Variants in PDE10A observed in about 807,000 individuals in gnomAD.
The protein encoded by PDE10A is cAMP and cAMP-inhibited cGMP 3',5'-cyclic phosphodiesterase 10A.
PDE10A carries 39 observed loss-of-function variants against 97.7 expected under a neutral mutation model. The ratio of observed to expected loss-of-function variants is 0.40; its 90% confidence interval spans 0.31 to 0.52. The LOEUF is 0.52. PDE10A is among the 20% of genes least tolerant of loss of function. The pLI, the probability that PDE10A is intolerant of heterozygous loss-of-function variation, is 0.56. For missense variants in PDE10A, 731 were observed against 1,047.8 expected, an observed-to-expected ratio of 0.70 and a Z score of 4.17; for synonymous variants, 371 against 376.8, an observed-to-expected ratio of 0.98 and a Z score of 0.18.
At chr6:165,624,018 C>G (rs745769712) in intron 1 of PDE10A, among the ~76,000 whole-genome samples, 13 of 152,220 alleles carry the variant, frequency 8.5e-5, no homozygotes, top group Non-Finnish European at 1.9e-4. Context: ...AGTACTCTCT[C>G]CACAAGGCCA....
intron 1 of PDE10A, among the ~76,000 whole-genome samples, chr6:165,794,324 CA>C (rs1778761268): frequency 6.6e-6 from 1 of 151,116 alleles, no homozygotes; most frequent in Admixed American, 6.6e-5. Context: ...ACATACTCAT[CA>C]CACACTCATA....
intron 1 of PDE10A, among the ~76,000 whole-genome samples, chr6:165,752,364 A>T (rs555791056): frequency 6.6e-6 from 1 of 152,244 alleles, no homozygotes; most frequent in Admixed American, 6.5e-5. Context: ...CCCATTCTGC[A>T]TCAAAGTGAG....
chr6:165,642,434 C>T (rs1010895843), intron 1 of PDE10A, among the ~76,000 whole-genome samples: 1 of 152,174 alleles, frequency 6.6e-6, no homozygotes, highest in African/African-American at 2.4e-5. Context: ...TTAGGAGGGA[C>T]ACAGCCACAT....
intron 1 of PDE10A, among the ~76,000 whole-genome samples, chr6:165,677,975 G>T (rs574338623): frequency 6.6e-6 from 1 of 151,510 alleles, no homozygotes; most frequent in African/African-American, 2.4e-5. Context: ...TATGTGTTTT[G>T]TGTGTGTTTG....
rs372307030 is a variant in PDE10A, at chr6:165,653,245, T to C, written c.865+8702A>G. ...ATTCAACTTATTTTGCTTGGCAACA[T>C]GCTCGGCACTGAGGTTAGGAAAATG... On this transcript the variant is annotated intron_variant, in intron 1 of 21. Coordinates refer to ENST00000539869, the MANE Select transcript of PDE10A (RefSeq NM_001385079.1). Among the ~76,000 whole-genome samples, 48 of 152,348 alleles carry C rather than the reference T, an allele frequency of 3.2e-4. 1 individual carries two copies. The highest frequency in any genetic ancestry group is 1.1e-3 in the African/African-American group (47 of 41,594).
intron 1 of PDE10A, among the ~76,000 whole-genome samples, chr6:165,607,760 G>A (rs542531960): frequency 6.6e-6 from 1 of 152,216 alleles, no homozygotes; most frequent in South Asian, 2.1e-4. Flanking sequence ...AGTTTATAAG[G>A]ATGAAATGCA....
At chr6:165,566,090 G>T (rs566407980) in intron 1 of PDE10A, among the ~76,000 whole-genome samples, 75 of 152,230 alleles carry the variant, frequency 4.9e-4, no homozygotes, top group African/African-American at 1.7e-3. Context: ...TTGTACTTCA[G>T]TAAAATTAAG....
intron 1 of PDE10A, among the ~76,000 whole-genome samples, chr6:165,554,788 G>A (rs1408839432): frequency 2.6e-5 from 4 of 152,112 alleles, no homozygotes; most frequent in African/African-American, 9.7e-5. Flanking sequence ...ACAGATGAAT[G>A]GATAAAGAAA....
At chr6:165,552,098 C>T (rs914509223) in intron 1 of PDE10A, among the ~76,000 whole-genome samples, 3 of 152,200 alleles carry the variant, frequency 2.0e-5, no homozygotes, top group Admixed American at 1.3e-4. Flanking sequence ...TAGCCACACA[C>T]TCTCCACTCA....
intron 1 of PDE10A, among the ~76,000 whole-genome samples, chr6:165,698,727 G>A (rs1195420124): frequency 1.3e-5 from 2 of 152,078 alleles, no homozygotes; most frequent in Non-Finnish European, 2.9e-5. Context: ...GCATTTGCTT[G>A]TAGTCCCAGC....
At chr6:165,626,759 C>A (rs73786693) in intron 1 of PDE10A, among the ~76,000 whole-genome samples, 1 of 101,118 alleles carries the variant, frequency 9.9e-6, no homozygotes. Context: ...CGAGGTGGGG[C>A]GGCGGGGGGA....
intron 1 of PDE10A, among the ~76,000 whole-genome samples, chr6:165,835,842 G>A (rs1480454692): frequency 2.0e-5 from 3 of 152,156 alleles, no homozygotes; most frequent in Non-Finnish European, 4.4e-5. Context: ...GGCAAAGCCA[G>A]GCAGAGTAAG....
At chr6:165,406,845 TG>T (rs1176353910) in intron 13 of PDE10A, among the ~76,000 whole-genome samples, 1 of 152,174 alleles carries the variant, frequency 6.6e-6, no homozygotes, top group Non-Finnish European at 1.5e-5. Flanking sequence ...GTTCTAAAGC[TG>T]GGACACCTAC....
At chr6:165,656,258 TCACACA>T (rs3083000) in intron 1 of PDE10A, among the ~76,000 whole-genome samples, 24,292 of 129,526 alleles carry the variant, frequency 0.19, 2,300 homozygotes, top group Admixed American at 0.26. Context: ...TCTCTCTCTC[TCACACA>T]CACACACACA....
intron 1 of PDE10A, among the ~76,000 whole-genome samples, chr6:165,579,866 G>A (rs4709953): frequency 0.089 from 13,537 of 151,962 alleles, 941 homozygotes; most frequent in African/African-American, 0.19. Context: ...TCTTTCCTCA[G>A]GTGTCTACAT....
intron 1 of PDE10A, among the ~76,000 whole-genome samples, chr6:165,845,352 A>AT (rs1349465200): frequency 2.0e-4 from 30 of 152,260 alleles, no homozygotes; most frequent in African/African-American, 7.0e-4. Flanking sequence ...GAAAGGAAAA[A>AT]AATAGCATCC....
chr6:165,507,514 C>T (rs1781267513), intron 2 of PDE10A, among the ~76,000 whole-genome samples: 1 of 152,124 alleles, frequency 6.6e-6, no homozygotes, highest in Non-Finnish European at 1.5e-5. Flanking sequence ...TATCCAACTA[C>T]ACCAAGCCCA....
chr6:165,932,865 C>T (rs768814449), intron 1 of PDE10A, among the ~76,000 whole-genome samples: 4 of 152,212 alleles, frequency 2.6e-5, no homozygotes, highest in Admixed American at 6.5e-5. Context: ...TGGTGGATAG[C>T]AGGTTGCCCT....
chr6:165,830,881 C>G (rs796603255), intron 1 of PDE10A, among the ~76,000 whole-genome samples: 13 of 152,120 alleles, frequency 8.5e-5, no homozygotes, highest in African/African-American at 1.2e-4. Flanking sequence ...GGTGCTGGAG[C>G]TTTAACATCC....
Sources: gnomAD v4.1 joint callset for allele counts (sites outside exome capture counted in the v4.1 genomes callset) on GRCh38, gnomAD v4.1.1 for gene constraint, MANE v1.5 for transcripts, NCBI Gene and HGNC (gene_info 2026-07-23, HGNC 2026-07-21) for gene names.